The following TRIM34 variants were observed in gnomAD, a reference collection of about 807,000 sequenced individuals.
The protein encoded by TRIM34 is E3 ubiquitin-protein ligase TRIM34.
In TRIM34, 41 loss-of-function variants were observed where a neutral mutation model predicts 38.1. The observed-to-expected ratio is 1.08, with a 90% confidence interval of 0.84 to 1.40. The LOEUF (loss-of-function observed/expected upper bound fraction) is 1.40, where lower values mean the gene tolerates loss of function less well. TRIM34 is among the 40% of genes most tolerant of loss of function. The probability of loss-of-function intolerance (pLI) is 0.00; values close to 1 mark genes in which losing one functional copy is unlikely to be tolerated. For synonymous variants in TRIM34, 200 were observed against 202.5 expected (o/e 0.99, Z 0.10); for missense variants, 556 against 571.4 (o/e 0.97, Z 0.27).
rs1850097501 is a variant in TRIM34 at position 5,643,162 on chromosome 11, C to T, written c.920C>T (p.Ser307Leu). 2 of 1,537,678 alleles carry T rather than the reference C, an allele frequency of 1.3e-6. No homozygotes were observed. The highest frequency in any genetic ancestry group is 1.7e-6 in the Non-Finnish European group (2 of 1,147,072). ...RCYWVDVTLN[S>L]VNLNLNLVLS... ...CTTGCAGTGGATGTCACACTGAATTCAGTCAACCTAAATTTGAATCTTGTC... is the reference window on the plus strand; with the variant it reads ...CTTGCAGTGGATGTCACACTGAATTTAGTCAACCTAAATTTGAATCTTGTC... Residue 307 changes from serine (S) to leucine (L), a missense_variant, in exon 8 of 8, where the codon TCA becomes TTA. Physicochemically the swap from Ser to Leu is moderately radical, Grantham distance 145. Coordinates refer to ENST00000429814, the MANE Select transcript of TRIM34 (RefSeq NM_021616.6).
At chr11:5,636,438 G>A (rs948973093) in intron 4 of TRIM34, among the ~76,000 whole-genome samples, 1 of 152,174 alleles carries the variant, frequency 6.6e-6, no homozygotes, top group African/African-American at 2.4e-5. Flanking sequence ...GATTTACTGT[G>A]CAATGACGGT....
At position 5,633,963 on chromosome 11, in the gene TRIM34, C is replaced by A. The variant is rs542334788; in HGVS notation, c.519+64C>A. The A allele has an allele frequency of 2.4e-5, 38 of 1,567,164 alleles. No individual in the cohort carries two copies. In the South Asian group the frequency reaches 3.7e-4, roughly 15 times the overall value. On this transcript the variant is annotated intron_variant, in intron 3 of 7. Coordinates refer to ENST00000429814, the MANE Select transcript of TRIM34 (RefSeq NM_021616.6). Reference sequence around the variant, plus strand: ...TTGACAGGACCTTAATCCAAGGAGGCCTCGTCCTTTTTATTCCTTGACATT... The same window carrying A: ...TTGACAGGACCTTAATCCAAGGAGGACTCGTCCTTTTTATTCCTTGACATT...
intron 3 of TRIM34, among the ~76,000 whole-genome samples, chr11:5,634,248 C>T (rs974150335): frequency 2.0e-5 from 3 of 151,954 alleles, no homozygotes; most frequent in Non-Finnish European, 4.4e-5. Flanking sequence ...GTAAGGCAGG[C>T]AGTCATGAAT....
At chr11:5,622,199 A>G (rs1193796382), upstream of TRIM34, among the ~76,000 whole-genome samples, 2 of 152,196 alleles carry the variant, frequency 1.3e-5, no homozygotes, top group African/African-American at 4.8e-5. Context: ...TAATCCCAGG[A>G]CTTCGGGAGG....
intron 5 of TRIM34, chr11:5,641,414 AGCC>A: frequency 8.5e-7 from 1 of 1,181,548 alleles, no homozygotes; most frequent in Non-Finnish European, 1.1e-6. Context: ...TCAGAGCTAC[AGCC>A]AAAAAGGATA....
chr11:5,634,771 G>C lies in TRIM34; in HGVS notation c.660G>C (p.Glu220Asp). 6.2e-7 allele frequency: 1 copy of C among 1,614,052 alleles called. No homozygotes were observed. The highest frequency in any genetic ancestry group is 1.3e-5 in the African/African-American group (1 of 75,018). Residue 220 changes from glutamate (E) to aspartate (D), a missense_variant, in exon 4 of 8, where the codon GAG (glutamate) becomes GAC (aspartate). Coordinates refer to ENST00000429814, the MANE Select transcript of TRIM34 (RefSeq NM_021616.6). ...KKTLDKFAEAEDELVQQKQLV... is the reference protein window; with the variant it reads ...KKTLDKFAEADDELVQQKQLV... ...CGCTGGATAAGTTTGCAGAGGCTGAGGATGAGCTAGTTCAGCAGAAGCAGT... is the reference window on the plus strand; with the variant it reads ...CGCTGGATAAGTTTGCAGAGGCTGACGATGAGCTAGTTCAGCAGAAGCAGT...
intron 5 of TRIM34, 99 bp downstream of exon 5, chr11:5,641,288 G>T (rs776512715): frequency 7.6e-6 from 12 of 1,587,160 alleles, no homozygotes; most frequent in Admixed American, 1.8e-5. Flanking sequence ...AAATCTCCCA[G>T]AGTAGTAAAA....
At chr11:5,626,963 A>C (rs1849271270) in intron 1 of TRIM34, 1 of 152,370 alleles carries the variant, frequency 6.6e-6, no homozygotes, top group East Asian at 1.9e-4. Context: ...CTGGACCATT[A>C]TGAAGTCTGG....
chr11:5,638,111 A>G (rs10838474), intron 4 of TRIM34, among the ~76,000 whole-genome samples: 49,380 of 152,096 alleles, frequency 0.32, 8,986 homozygotes, highest in East Asian at 0.62. Context: ...CCACACAGTG[A>G]TTATTTTAAG....
chr11:5,631,597 A>C (rs1466770386), intron 1 of TRIM34, among the ~76,000 whole-genome samples: 1 of 152,192 alleles, frequency 6.6e-6, no homozygotes, highest in Non-Finnish European at 1.5e-5. Context: ...CTGTGAGGGC[A>C]TGGGAGGATT....
intron 6 of TRIM34, 95 bp downstream of exon 6, chr11:5,642,601 G>A: frequency 6.8e-7 from 1 of 1,470,092 alleles, no homozygotes; most frequent in Non-Finnish European, 9.2e-7. Flanking sequence ...GAGGACAGAA[G>A]AGAGGAGGGA....
chr11:5,628,214 C>T lies in TRIM34; in HGVS notation c.-78+3154C>T, dbSNP rs115750928. Among the ~76,000 whole-genome samples the T allele has an allele frequency of 7.3e-3, 1,112 of 152,324 alleles. 13 individuals carry two copies. Among genetic ancestry groups the T allele is most frequent in the African/African-American group, 0.026 (1,068 of 41,562 alleles). On this transcript the variant is annotated intron_variant, in intron 1 of 7. Coordinates refer to ENST00000429814, the MANE Select transcript of TRIM34 (RefSeq NM_021616.6). ...TCACTGTGAACATGAAGTCACAGCC[C>T]GTGGCAGAATGCATGTTCTACTACT...
At chr11:5,641,911 T>C (rs1444779968) in intron 5 of TRIM34, among the ~76,000 whole-genome samples, 1 of 152,126 alleles carries the variant, frequency 6.6e-6, no homozygotes, top group Non-Finnish European at 1.5e-5. Flanking sequence ...ATATGCGCCA[T>C]TCCACTGGAG....
intron 6 of TRIM34, 148 bp downstream of exon 6, chr11:5,642,654 T>C (rs1323638607): frequency 7.3e-7 from 1 of 1,378,490 alleles, no homozygotes; most frequent in African/African-American, 1.5e-5. Context: ...AGGATGCATT[T>C]ATATGTAAGG....
Position 5,637,967 on chromosome 11 carries a change from T to C in TRIM34, c.750+3106T>C, listed in dbSNP as rs1050676590. Among the ~76,000 whole-genome samples, 3 of 152,240 alleles carry C rather than the reference T, an allele frequency of 2.0e-5. No individual in the cohort carries two copies. The South Asian group carries it at 6.2e-4, about 31-fold the overall frequency. ...ATTTTTCTGGTAATAACACCTGGAATTACTCTTGCAAGAAAGACTAGCATG... is the reference window on the plus strand; with the variant it reads ...ATTTTTCTGGTAATAACACCTGGAACTACTCTTGCAAGAAAGACTAGCATG... On this transcript the variant is annotated intron_variant, in intron 4 of 7. Transcript: ENST00000429814.
Position 5,634,723 on chromosome 11 carries a change from A to G in TRIM34, c.612A>G (p.Arg204=). 1 of 1,614,122 alleles carries G rather than the reference A, an allele frequency of 6.2e-7. No individual in the cohort carries two copies. The highest frequency in any genetic ancestry group is 8.5e-7 in the Non-Finnish European group (1 of 1,180,016). The part of the protein sequence containing the change: ...LNNEEQRELQ[R]LEEEEKKTLD... ...ATGAGGAGCAGAGAGAGCTGCAAAG[A>G]TTGGAAGAAGAAGAAAAGAAGACGC... is the stretch of plus-strand genomic sequence containing the variant. The change falls in exon 4 of 8, where the codon AGA becomes AGG. Residue 204 remains arginine (R), a synonymous_variant. Transcript: ENST00000429814.
chr11:5,625,376 TTC>T (rs968400584), intron 1 of TRIM34, among the ~76,000 whole-genome samples: 5 of 152,050 alleles, frequency 3.3e-5, no homozygotes, highest in Admixed American at 6.5e-5. Context: ...AAGGAAACAA[TTC>T]TCTCTCTCTC....
intron 6 of TRIM34, 134 bp from the exon 7 acceptor site, chr11:5,642,683 G>C: frequency 7.6e-7 from 1 of 1,324,188 alleles, no homozygotes; most frequent in Non-Finnish European, 9.9e-7. Flanking sequence ...CTAGGTCTCT[G>C]GTTTATCTTT....
Position 5,634,796 on chromosome 11 carries a change from T to C in TRIM34, c.685T>C (p.Leu229=), listed in dbSNP as rs747056223. The change falls in exon 4 of 8, where the codon TTG becomes CTG. Residue 229 remains leucine (L), a synonymous_variant. Coordinates refer to ENST00000429814, the MANE Select transcript of TRIM34 (RefSeq NM_021616.6). ...GGATGAGCTAGTTCAGCAGAAGCAG[T>C]TGGTGAGAGAGCTCATCTCAGATGT... ...AEDELVQQKQ[L]VRELISDVEC... 15 of 1,613,748 alleles carry C rather than the reference T, an allele frequency of 9.3e-6. No individual in the cohort carries two copies. Among genetic ancestry groups the C allele is most frequent in the East Asian group, 2.2e-5 (1 of 44,896 alleles).
Sources: allele counts gnomAD v4.1 joint callset (sites outside exome capture counted in the v4.1 genomes callset), GRCh38; gene constraint gnomAD v4.1.1; transcripts MANE v1.5; gene names NCBI Gene and HGNC (gene_info 2026-07-23, HGNC 2026-07-21).